NRXN3: variants seen among roughly 807,000 people sequenced by gnomAD.
NRXN3 encodes the protein neurexin 3, also known as neurexin III.
A neutral mutation model predicts 137.6 loss-of-function variants in NRXN3; 32 were observed. The observed-to-expected ratio is 0.23, with a 90% CI of 0.18 to 0.31. NRXN3 has a LOEUF of 0.31. Ranked by LOEUF, NRXN3 falls within the 10% of genes least tolerant of loss-of-function variation. NRXN3 has a pLI of 1.00. For missense variants in NRXN3, 1,574 were observed against 2,062.5 expected, an observed-to-expected ratio of 0.76 and a Z score of 4.59; for synonymous variants, 798 against 784.5, an observed-to-expected ratio of 1.02 and a Z score of -0.29.
intron 15 of NRXN3, among the ~76,000 whole-genome samples, chr14:79,114,491 G>A (rs941476426): frequency 1.3e-5 from 2 of 152,046 alleles, no homozygotes; most frequent in Admixed American, 1.3e-4. Flanking sequence ...TATGTACTCA[G>A]CATATTTTTT....
rs114458654 is a variant in NRXN3 at position 78,866,079 on chromosome 14, G to A, written c.2275+55735G>A. Among the ~76,000 whole-genome samples the A allele has an allele frequency of 6.5e-3, 983 of 152,182 alleles. 13 individuals carry two copies. The highest frequency in any genetic ancestry group is 0.022 in the African/African-American group (921 of 41,532). On this transcript the variant is annotated intron_variant, in intron 10 of 20. Transcript: ENST00000335750. ...TAATCAGGTCTGATTTTCAAAATAA[G>A]CAATAACATTTAAAGCATATTTGAA...
At chr14:78,205,002 A>G (rs544282266) in intron 1 of NRXN3, among the ~76,000 whole-genome samples, 2 of 152,148 alleles carry the variant, frequency 1.3e-5, no homozygotes, top group African/African-American at 2.4e-5. Flanking sequence ...GTAGCTTTCT[A>G]TCTGACCTTC....
intron 20 of NRXN3, among the ~76,000 whole-genome samples, chr14:79,851,372 T>C (rs986579469): frequency 3.9e-5 from 6 of 152,098 alleles, no homozygotes; most frequent in Non-Finnish European, 8.8e-5. Flanking sequence ...AATTTTTTTT[T>C]CCTCCATCTA....
intron 4 of NRXN3, among the ~76,000 whole-genome samples, chr14:78,304,789 C>A (rs1412731036): frequency 6.6e-6 from 1 of 152,152 alleles, no homozygotes; most frequent in African/African-American, 2.4e-5. Flanking sequence ...TCATGGCAAA[C>A]TGGAGAGTGC....
At chr14:78,384,631 G>A (rs759031151) in intron 4 of NRXN3, among the ~76,000 whole-genome samples, 4 of 152,108 alleles carry the variant, frequency 2.6e-5, no homozygotes, top group East Asian at 1.9e-4. Context: ...TCTTGAGGGT[G>A]GAAAGAGAGA....
At chr14:79,754,527 T>TATATATATACAC in intron 19 of NRXN3, among the ~76,000 whole-genome samples, 1 of 73,386 alleles carries the variant, frequency 1.4e-5, no homozygotes, top group Non-Finnish European at 2.4e-5. Context: ...TATATATATA[T>TATATATATACAC]ATATATATAT....
intron 15 of NRXN3, among the ~76,000 whole-genome samples, chr14:79,034,944 T>C (rs2099613716): frequency 6.6e-6 from 1 of 152,124 alleles, no homozygotes; most frequent in South Asian, 2.1e-4. Context: ...AGGAGAATCA[T>C]CTGTGAGATT....
intron 8 of NRXN3, among the ~76,000 whole-genome samples, chr14:78,772,740 G>T (rs559515542): frequency 1.3e-5 from 2 of 152,290 alleles, no homozygotes; most frequent in South Asian, 4.2e-4. Flanking sequence ...GAATTCCAGT[G>T]CTGCTAGTCA....
chr14:79,260,437 G>A (rs1407124159), intron 15 of NRXN3, among the ~76,000 whole-genome samples: 1 of 152,156 alleles, frequency 6.6e-6, no homozygotes, highest in Non-Finnish European at 1.5e-5. Context: ...CAGAGAACTA[G>A]GCTAAACCAG....
At position 79,644,677 on chromosome 14, in the gene NRXN3, T is replaced by C. The variant is rs2098446192; in HGVS notation, c.3445-19101T>C. On this transcript the variant is annotated intron_variant, in intron 16 of 20. Transcript: ENST00000335750. The stretch of plus-strand genomic sequence containing the variant: ...ATCGAAGGTTTTTAAGATGGCAGCC[T>C]TTAAAAATTATCAAAGTGAAAGCTA... Among the ~76,000 whole-genome samples the C allele has an allele frequency of 1.5e-5, 2 of 136,148 alleles. 1 individual carries two copies. The highest frequency in any genetic ancestry group is 4.9e-5 in the African/African-American group (2 of 40,842). The allele number at this position is 136,148 out of a possible 152,430, so 89.3% of individuals were successfully genotyped here.
intron 4 of NRXN3, among the ~76,000 whole-genome samples, chr14:78,381,951 C>T (rs368079425): frequency 5.3e-5 from 8 of 152,020 alleles, no homozygotes; most frequent in Non-Finnish European, 7.4e-5. Flanking sequence ...AGAATGTGTG[C>T]GGCTGTGAAA....
chr14:79,522,928 T>C (rs2097082124), intron 16 of NRXN3, among the ~76,000 whole-genome samples: 1 of 152,236 alleles, frequency 6.6e-6, no homozygotes, highest in African/African-American at 2.4e-5. Flanking sequence ...ATTTACATTC[T>C]ATCACAGAAA....
chr14:79,609,141 TG>T (rs2098065580), intron 16 of NRXN3, among the ~76,000 whole-genome samples: 1 of 152,038 alleles, frequency 6.6e-6, no homozygotes, highest in Non-Finnish European at 1.5e-5. Flanking sequence ...TGACTCATTA[TG>T]GTGAGTTCGC....
chr14:78,406,580 G>T (rs2092499365), intron 4 of NRXN3, among the ~76,000 whole-genome samples: 1 of 152,208 alleles, frequency 6.6e-6, no homozygotes. Flanking sequence ...CCATAGCAGA[G>T]GATTTAGAGA....
chr14:78,973,253 G>T (rs1476672054), intron 14 of NRXN3, among the ~76,000 whole-genome samples: 1 of 152,070 alleles, frequency 6.6e-6, no homozygotes, highest in Non-Finnish European at 1.5e-5. Flanking sequence ...GGAGGGGTTG[G>T]CTCCTCTTAA....
intron 15 of NRXN3, among the ~76,000 whole-genome samples, chr14:79,102,076 G>A (rs986185587): frequency 1.3e-5 from 2 of 152,114 alleles, no homozygotes; most frequent in African/African-American, 4.8e-5. Flanking sequence ...AGAGAGCATT[G>A]CTCTGCTCAT....
At chr14:79,843,353 T>C (rs1210146079) in intron 20 of NRXN3, among the ~76,000 whole-genome samples, 1 of 152,232 alleles carries the variant, frequency 6.6e-6, no homozygotes, top group Non-Finnish European at 1.5e-5. Flanking sequence ...ACAAAAATGC[T>C]AGTGATCAAC....
chr14:78,395,649 C>T (rs953277965), intron 4 of NRXN3, among the ~76,000 whole-genome samples: 2 of 151,740 alleles, frequency 1.3e-5, no homozygotes, highest in African/African-American at 4.8e-5. Context: ...CTCATTTTTC[C>T]GTTTTCAGTT....
At chr14:79,731,823 ATT>A (rs1160115956) in intron 19 of NRXN3, among the ~76,000 whole-genome samples, 8 of 144,912 alleles carry the variant, frequency 5.5e-5, no homozygotes, top group African/African-American at 1.8e-4. Context: ...TTTATTTTTT[ATT>A]TTTTTTTTTA....
Sources: gnomAD v4.1 joint callset for allele counts (sites outside exome capture counted in the v4.1 genomes callset) on GRCh38, gnomAD v4.1.1 for gene constraint, MANE v1.5 for transcripts, NCBI Gene and HGNC (gene_info 2026-07-23, HGNC 2026-07-21) for gene names.